SAXO1: variants seen among roughly 807,000 people sequenced by gnomAD.
SAXO1 encodes the protein stabilizer of axonemal microtubules 1, also known as 4930500O09Rik.
In SAXO1, 21 loss-of-function variants were observed where a neutral mutation model predicts 17.5. That is an observed-to-expected ratio of 1.20 (90% CI 0.85 to 1.72). The LOEUF (loss-of-function observed/expected upper bound fraction) is 1.72. Among genes scored for constraint, SAXO1 ranks in the 40% most tolerant of loss-of-function variants. SAXO1 has a pLI of 0.00. For missense variants in SAXO1, 843 were observed against 596.0 expected (o/e 1.41, Z -4.32); for synonymous variants, 274 against 216.5 (o/e 1.27, Z -2.33).
intron 3 of SAXO1, among the ~76,000 whole-genome samples, chr9:18,940,208 T>C (rs1239401407): frequency 6.6e-6 from 1 of 152,020 alleles, no homozygotes; most frequent in Non-Finnish European, 1.5e-5. Context: ...TGGGAGGAGA[T>C]AAGAGGACAA....
At chr9:19,009,758 A>G (rs1178782588) in intron 1 of SAXO1, among the ~76,000 whole-genome samples, 2 of 152,110 alleles carry the variant, frequency 1.3e-5, no homozygotes, top group African/African-American at 4.8e-5. Context: ...TCCTTTACTC[A>G]TGCAATTTCC....
At chr9:18,993,277 C>G (rs529357650) in intron 1 of SAXO1, among the ~76,000 whole-genome samples, 44 of 151,888 alleles carry the variant, frequency 2.9e-4, no homozygotes, top group African/African-American at 8.9e-4. Flanking sequence ...CCTTGCCCCC[C>G]ACCCCCAGAT....
intron 1 of SAXO1, among the ~76,000 whole-genome samples, chr9:18,996,611 T>C (rs1834011813): frequency 1.3e-5 from 2 of 152,072 alleles, no homozygotes; most frequent in South Asian, 4.1e-4. Flanking sequence ...TATGCATCTC[T>C]ACAAAAAAAG....
intron 3 of SAXO1, among the ~76,000 whole-genome samples, chr9:18,929,685 T>C (rs1830952007): frequency 6.6e-6 from 1 of 152,248 alleles, no homozygotes; most frequent in African/African-American, 2.4e-5. Flanking sequence ...CTAAGTGCTG[T>C]ATATATTAAC....
intron 1 of SAXO1, among the ~76,000 whole-genome samples, chr9:18,986,945 A>G (rs1833618342): frequency 6.6e-6 from 1 of 152,240 alleles, no homozygotes; most frequent in African/African-American, 2.4e-5. Context: ...TCTAATTTGC[A>G]TAAAGACTTC....
chr9:19,027,328 A>G (rs1191074057), intron 1 of SAXO1: 2 of 798,646 alleles, frequency 2.5e-6, no homozygotes, highest in South Asian at 1.3e-5. Flanking sequence ...CCAATCCTGG[A>G]GACACTGCCC....
chr9:19,032,844 G>C (rs372618824), intron 1 of SAXO1, 27 bp downstream of exon 1: 93 of 1,608,068 alleles, frequency 5.8e-5, no homozygotes, highest in Non-Finnish European at 7.6e-5. Context: ...GGCTCCCCCA[G>C]CCTTGCCCTG....
chr9:18,931,526 T>G (rs556865621), intron 3 of SAXO1, among the ~76,000 whole-genome samples: 1 of 152,322 alleles, frequency 6.6e-6, no homozygotes, highest in East Asian at 1.9e-4. Context: ...GGGTAGATAA[T>G]AAAGTGAAAT....
At chr9:18,931,888 C>T (rs1029744064) in intron 3 of SAXO1, among the ~76,000 whole-genome samples, 2 of 152,136 alleles carry the variant, frequency 1.3e-5, no homozygotes, top group Non-Finnish European at 2.9e-5. Flanking sequence ...TTATAGAATT[C>T]TTTGCATGTT....
intron 1 of SAXO1, among the ~76,000 whole-genome samples, chr9:19,001,557 C>T (rs1588509658): frequency 6.6e-6 from 1 of 151,824 alleles, no homozygotes; most frequent in Middle Eastern, 3.4e-3. Context: ...GTCCCAGCTA[C>T]TCGGGAGGCT....
chr9:18,927,753 C>A lies in SAXO1; in HGVS notation c.*299G>T. ...ATACAATGATTAAATTAATAAAATA[C>A]ATCTGGATCAGAGAAACCCTCACAG... is the stretch of plus-strand genomic sequence containing the variant. On this transcript the variant is annotated 3_prime_UTR_variant, in exon 4 of 4. Transcript: ENST00000380534. The A allele has an allele frequency of 9.7e-6, 3 of 308,764 alleles. No homozygotes were observed. The highest frequency in any genetic ancestry group is 1.8e-5 in the Non-Finnish European group (3 of 168,276). The allele number at this position is 308,764 out of a possible 1,614,324, so 19.1% of individuals were successfully genotyped here. A position where few individuals can be genotyped will look rare whatever the true frequency, so the allele number is the denominator to read the frequency against.
chr9:19,002,980 A>G (rs995231818), intron 1 of SAXO1, among the ~76,000 whole-genome samples: 2 of 152,224 alleles, frequency 1.3e-5, no homozygotes, highest in South Asian at 2.1e-4. Flanking sequence ...ACATGACTAT[A>G]TATTTAGAAA....
intron 1 of SAXO1, among the ~76,000 whole-genome samples, chr9:18,998,115 T>C (rs1307559804): frequency 6.6e-6 from 1 of 152,084 alleles, no homozygotes; most frequent in Non-Finnish European, 1.5e-5. Context: ...AGAATGACTT[T>C]GACAAGTTGA....
chr9:18,939,098 A>G (rs1394732953), intron 3 of SAXO1, among the ~76,000 whole-genome samples: 1 of 152,036 alleles, frequency 6.6e-6, no homozygotes, highest in Non-Finnish European at 1.5e-5. Context: ...GCCCACAAAG[A>G]CAGTGTAGAG....
chr9:18,937,735 C>T (rs1252368340), intron 3 of SAXO1, among the ~76,000 whole-genome samples: 1 of 152,120 alleles, frequency 6.6e-6, no homozygotes, highest in South Asian at 2.1e-4. Flanking sequence ...AGCAACAAGG[C>T]ACCATCTTGG....
chr9:18,957,596 T>C (rs1054686806), intron 1 of SAXO1, among the ~76,000 whole-genome samples: 9 of 152,186 alleles, frequency 5.9e-5, no homozygotes, highest in African/African-American at 2.2e-4. Context: ...GCAGTGCAGA[T>C]AATGCATTCC....
chr9:19,038,547 A>G (rs1179883197), intron 1 of SAXO1, among the ~76,000 whole-genome samples: 2 of 144,220 alleles, frequency 1.4e-5, no homozygotes, highest in African/African-American at 2.6e-5. Context: ...CATAGATGGG[A>G]ATTGAACAAT....
chr9:19,029,660 G>A (rs957201225), intron 1 of SAXO1, among the ~76,000 whole-genome samples: 10 of 152,164 alleles, frequency 6.6e-5, no homozygotes, highest in East Asian at 1.9e-4. Context: ...AGAACTTTCC[G>A]CAGTGATGGA....
intron 1 of SAXO1, among the ~76,000 whole-genome samples, chr9:18,976,667 T>G (rs1307816964): frequency 2.6e-5 from 4 of 152,192 alleles, no homozygotes; most frequent in African/African-American, 9.7e-5. Context: ...ATTGTAACTC[T>G]CCCCCAAGCT....
Sources: allele counts gnomAD v4.1 joint callset (sites outside exome capture counted in the v4.1 genomes callset), GRCh38; gene constraint gnomAD v4.1.1; transcripts MANE v1.5; gene names NCBI Gene and HGNC (gene_info 2026-07-23, HGNC 2026-07-21).